Variants in FBN1 observed in about 807,000 individuals in gnomAD.
FBN1 encodes fibrillin 1.
In FBN1, 29 loss-of-function variants were observed where a neutral mutation model predicts 365.1. The observed-to-expected ratio is 0.08, with a 90% confidence interval of 0.06 to 0.11. The LOEUF is 0.11. Ranked by LOEUF, FBN1 falls within the 10% of genes least tolerant of loss-of-function variation. The probability of loss-of-function intolerance (pLI) is 1.00; values close to 1 mark genes in which losing one functional copy is unlikely to be tolerated. For missense variants in FBN1, 2,476 were observed against 3,703.2 expected, an observed-to-expected ratio of 0.67 and a Z score of 8.60; for synonymous variants, 1,210 against 1,270.5, an observed-to-expected ratio of 0.95 and a Z score of 1.01.
intron 6 of FBN1, among the ~76,000 whole-genome samples, chr15:48,540,320 G>A (rs747030817): frequency 1.2e-4 from 18 of 151,966 alleles, no homozygotes; most frequent in African/African-American, 2.7e-4. Context: ...TTATATTATC[G>A]TACGTAAGAT....
chr15:48,455,941 TGTAA>T (rs1403566065), intron 44 of FBN1, among the ~76,000 whole-genome samples: 1 of 152,098 alleles, frequency 6.6e-6, no homozygotes, highest in African/African-American at 2.4e-5. Flanking sequence ...AGGCCTGAAG[TGTAA>T]GTATTAAATA....
At chr15:48,486,789 G>A (rs2043510729) in intron 29 of FBN1, among the ~76,000 whole-genome samples, 2 of 152,100 alleles carry the variant, frequency 1.3e-5, no homozygotes, top group South Asian at 2.1e-4. Context: ...CTATCCAAAC[G>A]GCATGGGTCA....
At position 48,436,996 on chromosome 15, in the gene FBN1, G is replaced by A. The variant is rs756219617; in HGVS notation, c.6461C>T (p.Pro2154Leu). 14 of 1,611,398 alleles carry A rather than the reference G, an allele frequency of 8.7e-6. No individual in the cohort carries two copies. In the South Asian group the frequency reaches 1.5e-4, roughly 18 times the overall value. Reference sequence around the variant, plus strand: ...ATTCCCTGCTAGAATATAACCAAAGGGACACTCGCAGCGATAGGAACCATC... The same window carrying A: ...ATTCCCTGCTAGAATATAACCAAAGAGACACTCGCAGCGATAGGAACCATC... The part of the protein sequence containing the change: ...NTDGSYRCEC[P>L]FGYILAGNEC... Residue 2154 changes from proline to leucine, a missense_variant, in exon 53 of 66, where the codon CCC becomes CTC. Around this residue, in one of 5 missense-constraint regions of FBN1, gnomAD observed 1,780 missense variants for 2,840.8 expected, o/e 0.63. Transcript: ENST00000316623.
rs750277727 is a variant in FBN1, at chr15:48,411,391, C to G, written c.8227-12G>C. On this transcript the variant is annotated splice_polypyrimidine_tract_variant and intron_variant, in intron 65 of 65. Coordinates refer to ENST00000316623, the MANE Select transcript of FBN1 (RefSeq NM_000138.5). Reference sequence around the variant, plus strand: ...GTCTCAGACTGATCCTGGAAAGACACATGGCAATATGTTAAATACAATGTA... The same window carrying G: ...GTCTCAGACTGATCCTGGAAAGACAGATGGCAATATGTTAAATACAATGTA... The G allele has an allele frequency of 6.2e-7, 1 of 1,612,846 alleles. No homozygotes were observed. The highest frequency in any genetic ancestry group is 8.5e-7 in the Non-Finnish European group (1 of 1,179,592).
chr15:48,617,705 C>T (rs1889684745), intron 2 of FBN1, among the ~76,000 whole-genome samples: 1 of 152,142 alleles, frequency 6.6e-6, no homozygotes, highest in Non-Finnish European at 1.5e-5. Flanking sequence ...TTAAACATAG[C>T]CCTCAGAGAG....
chr15:48,492,463 A>T lies in FBN1; in HGVS notation c.2852T>A (p.Leu951His). The change falls in exon 24 of 66, where the codon CTT becomes CAT. Residue 951 changes from leucine (L) to histidine (H), a missense_variant and splice_region_variant. Transcript: ENST00000316623. ...AAAATAATGAGCTCAGTATTTACCAAGACAGATCCTTCCTGTGGCATCCAA... is the reference window on the plus strand; with the variant it reads ...AAAATAATGAGCTCAGTATTTACCATGACAGATCCTTCCTGTGGCATCCAA... ...MTLDATGRIC[L>H]DIRLETCFLR... The T allele has an allele frequency of 1.9e-6, 3 of 1,613,368 alleles. No individual in the cohort carries two copies. Among genetic ancestry groups the T allele is most frequent in the Admixed American group, 3.3e-5 (2 of 60,020 alleles).
chr15:48,441,980 C>T, intron 49 of FBN1, 134 bp from the exon 50 acceptor site: 1 of 919,498 alleles, frequency 1.1e-6, no homozygotes, highest in Non-Finnish European at 1.7e-6. Context: ...TTTTCTGTAC[C>T]ATAACACTGT....
rs1279099541 is a variant in FBN1 at position 48,530,129 on chromosome 15, G to A, written c.863-3874C>T. On this transcript the variant is annotated intron_variant, in intron 8 of 65. Transcript: ENST00000316623. ...AATTCTTATCCATGCTGCATCCGCC[G>A]CATCACAACTTGAAAATGGAGTCTG... Among the ~76,000 whole-genome samples, 7 of 115,172 alleles carry A rather than the reference G, an allele frequency of 6.1e-5. No individual in the cohort carries two copies. The South Asian group carries it at 1.3e-3, about 21-fold the overall frequency. The allele number at this position is 115,172 out of a possible 152,430, so 75.6% of individuals were successfully genotyped here.
intron 9 of FBN1, among the ~76,000 whole-genome samples, chr15:48,525,250 C>A (rs1412762135): frequency 6.6e-6 from 1 of 152,028 alleles, no homozygotes; most frequent in East Asian, 1.9e-4. Context: ...CGACGCCTGG[C>A]AAATTTTTGT....
chr15:48,612,176 T>C lies in FBN1; in HGVS notation c.247+834A>G, dbSNP rs573282497. Among the ~76,000 whole-genome samples, 2 of 152,316 alleles carry C rather than the reference T, an allele frequency of 1.3e-5. 1 individual carries two copies. The highest frequency in any genetic ancestry group is 6.8e-3 in the Middle Eastern group (2 of 294). On this transcript the variant is annotated intron_variant, in intron 3 of 65. Coordinates refer to ENST00000316623, the MANE Select transcript of FBN1 (RefSeq NM_000138.5). ...GATGCTTTCTGGTCAAAATCAAGAA[T>C]TGAGAAACAGTTAAACTTTTTCAGG...
chr15:48,540,899 G>T (rs952424263), intron 6 of FBN1, among the ~76,000 whole-genome samples: 1 of 152,022 alleles, frequency 6.6e-6, no homozygotes, highest in African/African-American at 2.4e-5. Context: ...GTTGGGATTT[G>T]TTTTTCCACC....
Position 48,457,536 on chromosome 15 carries a change from A to T in FBN1, c.5297-774T>A, listed in dbSNP as rs147268375. On this transcript the variant is annotated intron_variant, in intron 43 of 65. Coordinates refer to ENST00000316623, the MANE Select transcript of FBN1 (RefSeq NM_000138.5). ...GCTGCTAAGGCAGGGCTGGCCAGCTATGGATAGAGACTTTGGACACCTCAC... is the reference window on the plus strand; with the variant it reads ...GCTGCTAAGGCAGGGCTGGCCAGCTTTGGATAGAGACTTTGGACACCTCAC... 1.8e-4 allele frequency among the ~76,000 whole-genome samples: 28 copies of T among 152,274 alleles called. 1 individual carries two copies. In the East Asian group the frequency reaches 5.4e-3, roughly 29 times the overall value.
At chr15:48,420,651 A>G (rs774608125) in intron 63 of FBN1, 36 bp downstream of exon 63, 7 of 1,613,488 alleles carry the variant, frequency 4.3e-6, no homozygotes, top group East Asian at 2.2e-5. Context: ...AGGACCTGAT[A>G]GCCATGCATC....
chr15:48,533,809 G>T (rs2141353223), intron 8 of FBN1, among the ~76,000 whole-genome samples: 1 of 152,166 alleles, frequency 6.6e-6, no homozygotes, highest in South Asian at 2.1e-4. Flanking sequence ...TAAACCAAAT[G>T]TTGGTTCAAA....
intron 5 of FBN1, among the ~76,000 whole-genome samples, chr15:48,598,789 G>T (rs2044535537): frequency 6.6e-6 from 1 of 152,158 alleles, no homozygotes; most frequent in African/African-American, 2.4e-5. Flanking sequence ...TTCTCCCACT[G>T]CAGTGTGTGG....
At chr15:48,561,816 C>A (rs2044223868) in intron 6 of FBN1, among the ~76,000 whole-genome samples, 1 of 152,098 alleles carries the variant, frequency 6.6e-6, no homozygotes, top group Non-Finnish European at 1.5e-5. Context: ...CACAGCAGAG[C>A]AAATATGAAG....
In FBN1 at chr15:48,489,200, A is replaced by ATTTTT. The variant is rs756179079; in HGVS notation, c.3082+646_3082+650dup. Reference sequence around the variant, plus strand: ...CAGGTGTGCACCACCATGCCTAGATATTTTTTTTTTTTTTTTTTTTTTTTT... The same window carrying ATTTTT: ...CAGGTGTGCACCACCATGCCTAGATATTTTTTTTTTTTTTTTTTTTTTTTTTTTTT... On this transcript the variant is annotated intron_variant, in intron 25 of 65. Transcript: ENST00000316623. 3.7e-4 allele frequency among the ~76,000 whole-genome samples: 18 copies of ATTTTT among 48,452 alleles called. 1 individual carries two copies. The highest frequency in any genetic ancestry group is 2.9e-3 in the East Asian group (4 of 1,386). 31.8% of individuals were successfully genotyped at this position (48,452 alleles called of 152,430 possible). A position where few individuals can be genotyped will look rare whatever the true frequency, so the allele number is the denominator to read the frequency against.
At chr15:48,558,517 T>G (rs1419827026) in intron 6 of FBN1, among the ~76,000 whole-genome samples, 1 of 152,204 alleles carries the variant, frequency 6.6e-6, no homozygotes, top group East Asian at 1.9e-4. Context: ...AAAGCTGTTT[T>G]GGCTGTTTTG....
intron 6 of FBN1, among the ~76,000 whole-genome samples, chr15:48,568,053 A>AAAGAAAGAAGG (rs1566928779): frequency 1.0e-5 from 1 of 95,668 alleles, no homozygotes; most frequent in Non-Finnish European, 2.3e-5. Context: ...AAGAAAGAAG[A>AAAGAAAGAAGG]AAGAAAGAAA....
Sources: allele counts gnomAD v4.1 joint callset (sites outside exome capture counted in the v4.1 genomes callset), GRCh38; gene constraint gnomAD v4.1.1; regional missense constraint gnomAD v4.1.1; transcripts MANE v1.5; gene names NCBI Gene and HGNC (gene_info 2026-07-23, HGNC 2026-07-21).